AUTS2: variants seen among roughly 807,000 people sequenced by gnomAD.
AUTS2 encodes activator of transcription and developmental regulator AUTS2.
AUTS2 carries 17 observed loss-of-function variants against 112.4 expected under a neutral mutation model. That is an observed-to-expected ratio of 0.15 (90% CI 0.10 to 0.23). The LOEUF (loss-of-function observed/expected upper bound fraction) is 0.23. AUTS2 is among the 10% of genes least tolerant of loss of function. AUTS2 has a pLI of 1.00. For synonymous variants in AUTS2, 751 were observed against 702.7 expected, an observed-to-expected ratio of 1.07 and a Z score of -1.09; for missense variants, 1,510 against 1,701.6, an observed-to-expected ratio of 0.89 and a Z score of 1.98.
chr7:70,457,411 C>A (rs1796786164), intron 5 of AUTS2, among the ~76,000 whole-genome samples: 2 of 151,852 alleles, frequency 1.3e-5, no homozygotes, highest in Non-Finnish European at 2.9e-5. Flanking sequence ...TCAGACACGT[C>A]CTCTCTCCTT....
chr7:69,699,041 T>C (rs1026385598), intron 1 of AUTS2, among the ~76,000 whole-genome samples: 1 of 152,196 alleles, frequency 6.6e-6, no homozygotes, highest in Admixed American at 6.5e-5. Flanking sequence ...CTCCTAGGAA[T>C]ATATATGGCG....
intron 1 of AUTS2, among the ~76,000 whole-genome samples, chr7:69,661,571 A>G (rs1373802463): frequency 6.6e-6 from 1 of 152,184 alleles, no homozygotes; most frequent in Non-Finnish European, 1.5e-5. Flanking sequence ...TGGGACAGTA[A>G]TTGGTGTGAT....
At chr7:70,725,363 A>T (rs966994320) in intron 6 of AUTS2, among the ~76,000 whole-genome samples, 5 of 152,180 alleles carry the variant, frequency 3.3e-5, no homozygotes, top group African/African-American at 9.7e-5. Flanking sequence ...TTTTAAAAGG[A>T]TGCCTTGGGT....
chr7:70,683,038 G>A (rs1024692090), intron 5 of AUTS2, among the ~76,000 whole-genome samples: 3 of 152,210 alleles, frequency 2.0e-5, no homozygotes, highest in Non-Finnish European at 2.9e-5. Context: ...ACAGTCACAC[G>A]TCAGTCACAA....
At chr7:70,578,593 T>A (rs1802282564) in intron 5 of AUTS2, among the ~76,000 whole-genome samples, 1 of 152,244 alleles carries the variant, frequency 6.6e-6, no homozygotes. Context: ...TCTTCTAGAT[T>A]TGCCATTGAG....
chr7:70,156,471 T>C (rs1807766177), intron 4 of AUTS2, among the ~76,000 whole-genome samples: 1 of 152,128 alleles, frequency 6.6e-6, no homozygotes, highest in South Asian at 2.1e-4. Context: ...TGCATCTTCC[T>C]GAGCTCAGAG....
At position 70,634,207 on chromosome 7, in the gene AUTS2, G is replaced by A. The variant is rs114729581; in HGVS notation, c.691-64362G>A. Among the ~76,000 whole-genome samples the A allele has an allele frequency of 2.4e-3, 371 of 152,310 alleles. 1 individual carries two copies. The highest frequency in any genetic ancestry group is 8.2e-3 in the African/African-American group (341 of 41,574). Reference sequence around the variant, plus strand: ...TTGGAAGGGGGTTGGGAGTGCTGGAGTGGGAAGGCGCCATTTGAAATAGGA... The same window carrying A: ...TTGGAAGGGGGTTGGGAGTGCTGGAATGGGAAGGCGCCATTTGAAATAGGA... On this transcript the variant is annotated intron_variant, in intron 5 of 18. Coordinates refer to ENST00000342771, the MANE Select transcript of AUTS2 (RefSeq NM_015570.4).
At chr7:69,948,272 G>A (rs898126534) in intron 2 of AUTS2, among the ~76,000 whole-genome samples, 6 of 152,140 alleles carry the variant, frequency 3.9e-5, no homozygotes, top group Non-Finnish European at 5.9e-5. Flanking sequence ...ACAGTGAATT[G>A]CAACCCACTC....
intron 5 of AUTS2, among the ~76,000 whole-genome samples, chr7:70,547,542 C>T (rs960937497): frequency 3.3e-5 from 5 of 152,142 alleles, no homozygotes; most frequent in African/African-American, 4.8e-5. Flanking sequence ...CGTGAGCCAC[C>T]GTGCCCGGCC....
intron 1 of AUTS2, among the ~76,000 whole-genome samples, chr7:69,833,889 G>C (rs1584313924): frequency 6.6e-6 from 1 of 152,162 alleles, no homozygotes; most frequent in Non-Finnish European, 1.5e-5. Flanking sequence ...ACTCATGATA[G>C]AATCATTTGG....
chr7:70,698,852 A>T (rs1397471929), intron 6 of AUTS2: 3 of 414,750 alleles, frequency 7.2e-6, no homozygotes, highest in African/African-American at 2.0e-5. Flanking sequence ...TGATTTGACT[A>T]ATCACTACTA....
chr7:69,606,045 C>CT (rs1037493328), intron 1 of AUTS2, among the ~76,000 whole-genome samples: 19 of 151,806 alleles, frequency 1.3e-4, no homozygotes, highest in African/African-American at 3.4e-4. Flanking sequence ...CTACTTGCAC[C>CT]TTTTTTTTGG....
intron 4 of AUTS2, among the ~76,000 whole-genome samples, chr7:70,163,394 A>G (rs1393898582): frequency 7.9e-6 from 1 of 126,388 alleles, no homozygotes; most frequent in African/African-American, 2.9e-5. Context: ...AGAGATCTTT[A>G]GATATCTTTA....
At chr7:70,783,784 C>T (rs573784517) in intron 15 of AUTS2, 6 of 152,240 alleles carry the variant, frequency 3.9e-5, no homozygotes, top group African/African-American at 1.4e-4. Flanking sequence ...TCAGATGACC[C>T]TGGCAAATCT....
rs542751194 is a variant in AUTS2, at chr7:70,715,453, A to G, written c.742+16833A>G. ...GCCACATTCTCCAGGAAGCCCTCCT[A>G]CCTTCCCAAGGTTTGAACCTTTCCT... On this transcript the variant is annotated intron_variant, in intron 6 of 18. Transcript: ENST00000342771. 3.7e-4 allele frequency among the ~76,000 whole-genome samples: 56 copies of G among 152,052 alleles called. 1 individual carries two copies. Among genetic ancestry groups the G allele is most frequent in the Middle Eastern group, 3.4e-3 (1 of 292 alleles).
At chr7:69,788,185 C>T (rs1032262181) in intron 1 of AUTS2, among the ~76,000 whole-genome samples, 2 of 152,126 alleles carry the variant, frequency 1.3e-5, no homozygotes, top group Non-Finnish European at 2.9e-5. Context: ...CCTTTTGGCC[C>T]AGGGCCCTAT....
chr7:69,945,115 A>G (rs1796759639), intron 2 of AUTS2, among the ~76,000 whole-genome samples: 1 of 152,212 alleles, frequency 6.6e-6, no homozygotes, highest in Non-Finnish European at 1.5e-5. Flanking sequence ...ATTGAAATAT[A>G]TTTCACATAC....
intron 1 of AUTS2, among the ~76,000 whole-genome samples, chr7:69,641,286 T>C (rs1794786498): frequency 6.6e-6 from 1 of 152,234 alleles, no homozygotes; most frequent in Non-Finnish European, 1.5e-5. Context: ...CCACATTAAC[T>C]GGAACCCCTC....
intron 1 of AUTS2, among the ~76,000 whole-genome samples, chr7:69,783,002 A>G (rs1789207740): frequency 6.6e-6 from 1 of 151,374 alleles, no homozygotes. Context: ...TCCATGGTCC[A>G]CATGCTGTGG....
Sources: allele counts gnomAD v4.1 joint callset (sites outside exome capture counted in the v4.1 genomes callset), GRCh38; gene constraint gnomAD v4.1.1; transcripts MANE v1.5; gene names NCBI Gene and HGNC (gene_info 2026-07-23, HGNC 2026-07-21).